Variants in FAM120B observed in about 807,000 individuals in gnomAD.
FAM120B encodes constitutive coactivator of peroxisome proliferator-activated receptor gamma.
Under a neutral mutation model 96.3 loss-of-function variants are expected in FAM120B, and 83 were observed. That is an observed-to-expected ratio of 0.86 (90% CI 0.72 to 1.03). The LOEUF (loss-of-function observed/expected upper bound fraction) is 1.03, where lower values mean the gene tolerates loss of function less well. FAM120B is among the 50% of genes least tolerant of loss of function. The pLI, the probability that FAM120B is intolerant of heterozygous loss-of-function variation, is 0.00. For missense variants in FAM120B, 1,027 were observed against 1,121.2 expected, an observed-to-expected ratio of 0.92 and a Z score of 1.20; for synonymous variants, 407 against 402.7, an observed-to-expected ratio of 1.01 and a Z score of -0.13.
chr6:170,398,924 C>T (rs62422765), intron 9 of FAM120B, among the ~76,000 whole-genome samples: 26 of 114,108 alleles, frequency 2.3e-4, no homozygotes, highest in African/African-American at 4.0e-4. Flanking sequence ...ATGTCATAAC[C>T]CTTAGGAGTG....
intron 4 of FAM120B, among the ~76,000 whole-genome samples, chr6:170,341,758 C>G (rs1786849227): frequency 6.6e-6 from 1 of 152,182 alleles, no homozygotes; most frequent in Non-Finnish European, 1.5e-5. Context: ...CTTGCACTTC[C>G]TGGGTGAGGC....
At chr6:170,349,440 A>G (rs994156681) in intron 5 of FAM120B, among the ~76,000 whole-genome samples, 3 of 152,250 alleles carry the variant, frequency 2.0e-5, no homozygotes, top group African/African-American at 7.2e-5. Flanking sequence ...TCTCAAGGGA[A>G]TCTTGGACTG....
intron 6 of FAM120B, among the ~76,000 whole-genome samples, chr6:170,383,241 G>A (rs1394656237): frequency 3.3e-5 from 5 of 152,208 alleles, no homozygotes; most frequent in Admixed American, 3.3e-4. Context: ...TCTAGGGTCA[G>A]GCAAAGAGTT....
chr6:170,335,296 G>A (rs559587345), intron 4 of FAM120B, among the ~76,000 whole-genome samples: 1 of 152,128 alleles, frequency 6.6e-6, no homozygotes, highest in Non-Finnish European at 1.5e-5. Flanking sequence ...TTATGAGTGA[G>A]AACATGCGGT....
Position 170,348,163 on chromosome 6 carries a change from G to C in FAM120B, c.2030G>C (p.Ser677Thr). 1.9e-6 allele frequency: 3 copies of C among 1,613,690 alleles called. No homozygotes were observed. The highest frequency in any genetic ancestry group is 2.5e-6 in the Non-Finnish European group (3 of 1,179,822). The change falls in exon 5 of 11, where the codon AGT becomes ACT. Residue 677 changes from serine (S) to threonine (T), a missense_variant. This residue lies in a region of FAM120B where 880 missense variants were observed against 980.9 expected (regional missense o/e 0.90). Transcript: ENST00000476287. ...LQMTIPGGTP[S>T]LKILWLNQEP... is the part of the protein sequence containing the mutation. Reference sequence around the variant, plus strand: ...TTTTCTTAACTAGGGGGAACGCCTAGTTTGAAAATATTATGGCTGAACCAA... The same window carrying C: ...TTTTCTTAACTAGGGGGAACGCCTACTTTGAAAATATTATGGCTGAACCAA...
Position 170,370,063 on chromosome 6 carries a change from C to CTCT in FAM120B, c.2283+11746_2283+11747insCTT, listed in dbSNP as rs1480502231. Reference sequence around the variant, plus strand: ...ATGTACCTTTTTTGAATATAGCAATCTAATTTCTCTTTTAAACCCATTCTG... The same window carrying CTCT: ...ATGTACCTTTTTTGAATATAGCAATCTCTTAATTTCTCTTTTAAACCCATTCTG... On this transcript the variant is annotated intron_variant, in intron 6 of 10. Coordinates refer to ENST00000476287, the MANE Select transcript of FAM120B (RefSeq NM_032448.3). The surrounding 1 kb of genome is among the most constrained non-coding windows in gnomAD (Gnocchi z 4.3). Among the ~76,000 whole-genome samples, 1 of 152,186 alleles carries CTCT rather than the reference C, an allele frequency of 6.6e-6. No homozygotes were observed.
In FAM120B at chr6:170,323,343, C is replaced by T. The variant is rs149217663; in HGVS notation, c.1915+84C>T. 3.4e-5 allele frequency: 38 copies of T among 1,133,358 alleles called. No individual in the cohort carries two copies. The African/African-American group carries it at 5.8e-4, about 17-fold the overall frequency. The allele number at this position is 1,133,358 out of a possible 1,614,324, so 70.2% of individuals were successfully genotyped here. ...CTGGCCAGATGAAATAGAGTGCATT[C>T]TTTCAAGACATGGAGACAATTAAAT... On this transcript the variant is annotated intron_variant, in intron 3 of 10. Transcript: ENST00000476287.
chr6:170,369,978 T>C (rs1447771827), intron 6 of FAM120B, among the ~76,000 whole-genome samples: 1 of 152,222 alleles, frequency 6.6e-6, no homozygotes, highest in Non-Finnish European at 1.5e-5. Flanking sequence ...ATCTTTCACA[T>C]GTAACTTATT....
chr6:170,337,305 T>C (rs1203591521), intron 4 of FAM120B, among the ~76,000 whole-genome samples: 2 of 152,228 alleles, frequency 1.3e-5, no homozygotes, highest in Non-Finnish European at 2.9e-5. Flanking sequence ...ATTTTTGTCA[T>C]TGGTTCATTT....
rs1209916976 is a variant in FAM120B, at chr6:170,318,613, A to G, written c.1223A>G (p.Glu408Gly). The part of the protein sequence containing the change: ...RREVPMCSDP[E>G]PRQEVPMCTG... ...GAAGTTCCCATGTGTTCAGACCCTGAACCCAGGCAAGAAGTTCCCATGTGT... is the reference window on the plus strand; with the variant it reads ...GAAGTTCCCATGTGTTCAGACCCTGGACCCAGGCAAGAAGTTCCCATGTGT... The change falls in exon 2 of 11, where the codon GAA becomes GGA. Residue 408 changes from glutamate to glycine, a missense_variant. Physicochemically the swap from Glu to Gly is moderately conservative, Grantham distance 98. Around this residue, in one of 3 missense-constraint regions of FAM120B, gnomAD observed 880 missense variants for 980.9 expected, o/e 0.90. Coordinates refer to ENST00000476287, the MANE Select transcript of FAM120B (RefSeq NM_032448.3). 6.3e-7 allele frequency: 1 copy of G among 1,588,290 alleles called. No individual in the cohort carries two copies.
chr6:170,367,718 G>T (rs1283021614), intron 6 of FAM120B, among the ~76,000 whole-genome samples: 1 of 152,216 alleles, frequency 6.6e-6, no homozygotes, highest in Admixed American at 6.5e-5. Context: ...AGAGGGCTTT[G>T]GTAGTTAGTT....
rs556881970 is a variant in FAM120B, at chr6:170,323,300, G to A, written c.1915+41G>A. On this transcript the variant is annotated intron_variant, in intron 3 of 10. Coordinates refer to ENST00000476287, the MANE Select transcript of FAM120B (RefSeq NM_032448.3). The stretch of plus-strand genomic sequence containing the variant: ...TCCCTCTTAGTAAAGGTTCTATTTG[G>A]AGTTGAGTTCTGAGAAACTGGCCAG... 12 of 1,542,694 alleles carry A rather than the reference G, an allele frequency of 7.8e-6. No homozygotes were observed. In the South Asian group the frequency reaches 1.2e-4, roughly 16 times the overall value.
chr6:170,358,351 G>T, intron 6 of FAM120B, 33 bp downstream of exon 6: 1 of 1,438,810 alleles, frequency 7.0e-7, no homozygotes, highest in East Asian at 2.3e-5. Context: ...GTCACTGCCC[G>T]GAAGACAGCT....
upstream of FAM120B, among the ~76,000 whole-genome samples, chr6:170,303,722 A>C (rs914671967): frequency 1.1e-4 from 17 of 152,324 alleles, no homozygotes; most frequent in Non-Finnish European, 2.4e-4. Context: ...TTCAAAAATA[A>C]TTATAACACC....
At chr6:170,323,051 A>T in intron 2 of FAM120B, 28 bp from the exon 3 acceptor site, 2 of 1,577,968 alleles carry the variant, frequency 1.3e-6, no homozygotes, top group Non-Finnish European at 1.7e-6. Flanking sequence ...TTTAAGGAGA[A>T]ATTCAGTTGT....
At chr6:170,389,937 G>A (rs1190437541) in intron 7 of FAM120B, among the ~76,000 whole-genome samples, 1 of 152,122 alleles carries the variant, frequency 6.6e-6, no homozygotes, top group Non-Finnish European at 1.5e-5. Context: ...TCTGATAGGT[G>A]TAGTTATGAT....
chr6:170,349,293 G>C (rs781772483), intron 5 of FAM120B, among the ~76,000 whole-genome samples: 2 of 152,130 alleles, frequency 1.3e-5, no homozygotes, highest in African/African-American at 4.8e-5. Flanking sequence ...CTCCCTATAT[G>C]GTGGGTCTCC....
At chr6:170,375,318 C>T (rs1317055471) in intron 6 of FAM120B, among the ~76,000 whole-genome samples, 2 of 152,218 alleles carry the variant, frequency 1.3e-5, no homozygotes, top group Non-Finnish European at 2.9e-5. Flanking sequence ...TCCATTCCTT[C>T]AGGGTGGAAA....
At chr6:170,304,626 G>A (rs1784215599), upstream of FAM120B, among the ~76,000 whole-genome samples, 1 of 152,136 alleles carries the variant, frequency 6.6e-6, no homozygotes, top group Admixed American at 6.5e-5. Context: ...ACCTGGTGGG[G>A]CTCCTTGCTC....
Sources: gnomAD v4.1 joint callset for allele counts (sites outside exome capture counted in the v4.1 genomes callset) on GRCh38, gnomAD v4.1.1 for gene constraint, gnomAD v4.1.1 regional missense constraint, Gnocchi (gnomAD v3.1) non-coding constraint, MANE v1.5 for transcripts, NCBI Gene and HGNC (gene_info 2026-07-23, HGNC 2026-07-21) for gene names.